Variants in LTBP1 observed in about 807,000 individuals in gnomAD.
The protein encoded by LTBP1 is latent transforming growth factor beta binding protein 1.
In LTBP1, 129 loss-of-function variants were observed where a neutral mutation model predicts 207.6. That is an observed-to-expected ratio of 0.62 (90% confidence interval 0.54 to 0.72). LTBP1 has a LOEUF of 0.72. Among genes scored for constraint, LTBP1 ranks in the 30% least tolerant of loss-of-function variants. The probability of loss-of-function intolerance (pLI) is 0.00; values close to 1 mark genes in which losing one functional copy is unlikely to be tolerated. For missense variants in LTBP1, 2,281 were observed against 2,217.2 expected (o/e 1.03, Z -0.58); for synonymous variants, 963 against 833.7 (o/e 1.16, Z -2.67).
rs142605270 is a variant in LTBP1 at position 33,230,670 on chromosome 2, T to C, written c.1876+8519T>C. Among the ~76,000 whole-genome samples the C allele has an allele frequency of 3.6e-3, 551 of 152,356 alleles. 2 individuals are homozygous for C. The highest frequency in any genetic ancestry group is 6.1e-3 in the Non-Finnish European group (413 of 68,036). ...TCAGTCCTTCCCTGAGTGGAAATAC[T>C]GAGTACCCTCTTTTGTCCATATTTT... On this transcript the variant is annotated intron_variant, in intron 9 of 33. Transcript: ENST00000404816.
intron 31 of LTBP1, among the ~76,000 whole-genome samples, chr2:33,379,199 T>C (rs1342678076): frequency 1.2e-5 from 1 of 86,906 alleles, no homozygotes; most frequent in African/African-American, 5.1e-5. Flanking sequence ...GCCATTGCTT[T>C]TTTTTTTTTT....
chr2:32,989,216 AT>A (rs751096103), intron 2 of LTBP1, among the ~76,000 whole-genome samples: 50 of 152,336 alleles, frequency 3.3e-4, no homozygotes, highest in Non-Finnish European at 6.3e-4. Context: ...CATGTGTGAG[AT>A]TTTAACTTAT....
intron 9 of LTBP1, among the ~76,000 whole-genome samples, chr2:33,233,228 T>C (rs142652981): frequency 1.3e-5 from 2 of 152,272 alleles, no homozygotes; most frequent in East Asian, 3.9e-4. Context: ...TTTTATTCTC[T>C]TTTTCGCTGC....
intron 15 of LTBP1, among the ~76,000 whole-genome samples, chr2:33,264,774 G>T (rs904151726): frequency 2.0e-5 from 3 of 152,182 alleles, no homozygotes; most frequent in Non-Finnish European, 4.4e-5. Flanking sequence ...GGGAGTATGT[G>T]TTGGGGTTCT....
chr2:33,278,420 G>T (rs1040198479), intron 18 of LTBP1, among the ~76,000 whole-genome samples: 7 of 152,106 alleles, frequency 4.6e-5, no homozygotes, highest in African/African-American at 7.2e-5. Context: ...AGAACCAAAC[G>T]TCCCCGGGCT....
rs183957987 is a variant in LTBP1 at position 33,106,496 on chromosome 2, A to G, written c.864-4086A>G. 3.9e-5 allele frequency among the ~76,000 whole-genome samples: 6 copies of G among 152,232 alleles called. 1 individual carries two copies. The highest frequency in any genetic ancestry group is 5.9e-5 in the Non-Finnish European group (4 of 68,030). On this transcript the variant is annotated intron_variant, in intron 3 of 33. Coordinates refer to ENST00000404816, the MANE Select transcript of LTBP1 (RefSeq NM_206943.4). ...CACTGCTTTATTTATGGGCTACAGA[A>G]TGGATGTTGTGTTAGCAGGCACCAA...
chr2:33,238,658 T>C (rs2092168806), intron 9 of LTBP1, among the ~76,000 whole-genome samples: 1 of 152,178 alleles, frequency 6.6e-6, no homozygotes, highest in Non-Finnish European at 1.5e-5. Flanking sequence ...AAAAGCTAGA[T>C]CTTAGTGGAA....
At chr2:33,076,903 G>A (rs2078114265) in intron 3 of LTBP1, among the ~76,000 whole-genome samples, 1 of 152,118 alleles carries the variant, frequency 6.6e-6, no homozygotes, top group South Asian at 2.1e-4. Context: ...CTTTGGCCAA[G>A]AGGGCATCTG....
intron 7 of LTBP1, among the ~76,000 whole-genome samples, chr2:33,208,097 C>T (rs954689714): frequency 6.6e-6 from 1 of 152,210 alleles, no homozygotes; most frequent in African/African-American, 2.4e-5. Context: ...ATTCCTCATC[C>T]AGATTCATAG....
chr2:33,057,759 A>G (rs986242481), intron 3 of LTBP1, among the ~76,000 whole-genome samples: 5 of 152,210 alleles, frequency 3.3e-5, no homozygotes, highest in Non-Finnish European at 7.3e-5. Flanking sequence ...CGGGAACTCT[A>G]GCTGGCCTGC....
intron 20 of LTBP1, among the ~76,000 whole-genome samples, chr2:33,293,519 G>A (rs571767275): frequency 5.9e-5 from 9 of 152,106 alleles, no homozygotes; most frequent in Admixed American, 3.3e-4. Context: ...GCCACAGATC[G>A]GTTCATCTAA....
intron 5 of LTBP1, among the ~76,000 whole-genome samples, chr2:33,139,442 G>C (rs959548333): frequency 6.6e-6 from 1 of 152,194 alleles, no homozygotes; most frequent in African/African-American, 2.4e-5. Context: ...AAGAGATGAA[G>C]GGTATATGTA....
At chr2:32,984,934 AAAAACAAAAC>A (rs59089750) in intron 2 of LTBP1, among the ~76,000 whole-genome samples, 17 of 150,616 alleles carry the variant, frequency 1.1e-4, no homozygotes, top group African/African-American at 2.2e-4. Flanking sequence ...TCTGTTTCAA[AAAAACAAAAC>A]AAAACAAAAC....
At chr2:33,359,584 G>T (rs1007688372) in intron 26 of LTBP1, among the ~76,000 whole-genome samples, 2 of 152,152 alleles carry the variant, frequency 1.3e-5, no homozygotes, top group Admixed American at 1.3e-4. Context: ...GGAAATAGTA[G>T]AGTTCTAGTG....
chr2:33,275,633 G>A (rs912267637), intron 17 of LTBP1, among the ~76,000 whole-genome samples, 168 bp from the exon 18 acceptor site: 25 of 150,990 alleles, frequency 1.7e-4, no homozygotes, highest in Admixed American at 7.9e-4. Context: ...GCAGTGAGCC[G>A]AGATCACACC....
In LTBP1 at chr2:33,215,159, A is replaced by ATAATGG. The variant is rs1192628755; in HGVS notation, c.1702-2387_1702-2382dup. On this transcript the variant is annotated intron_variant, in intron 7 of 33. Transcript: ENST00000404816. Reference sequence around the variant, plus strand: ...TTTATCTATAATAATAATAATAATGATAATGGTAATGATAGCTGACACATG... The same window carrying ATAATGG: ...TTTATCTATAATAATAATAATAATGATAATGGTAATGGTAATGATAGCTGACACATG... Among the ~76,000 whole-genome samples the ATAATGG allele has an allele frequency of 3.9e-5, 6 of 152,150 alleles. No homozygotes were observed. In the East Asian group the frequency reaches 1.2e-3, roughly 29 times the overall value.
chr2:32,960,633 T>C (rs1176852072), intron 2 of LTBP1, among the ~76,000 whole-genome samples: 1 of 152,228 alleles, frequency 6.6e-6, no homozygotes, highest in East Asian at 1.9e-4. Context: ...CCAAGTACCA[T>C]GTACTTGAAA....
At chr2:33,000,461 G>C (rs1233712246) in intron 2 of LTBP1, among the ~76,000 whole-genome samples, 1 of 134,982 alleles carries the variant, frequency 7.4e-6, no homozygotes, top group African/African-American at 2.6e-5. Flanking sequence ...AGGTTGCCAG[G>C]TGGAGGTGGA....
At chr2:32,961,560 C>A (rs936964328) in intron 2 of LTBP1, among the ~76,000 whole-genome samples, 6 of 150,530 alleles carry the variant, frequency 4.0e-5, no homozygotes, top group South Asian at 4.2e-4. Flanking sequence ...TCATCCCCCC[C>A]ACCTCAACAT....
Sources: allele counts gnomAD v4.1 joint callset (sites outside exome capture counted in the v4.1 genomes callset), GRCh38; gene constraint gnomAD v4.1.1; transcripts MANE v1.5; gene names NCBI Gene and HGNC (gene_info 2026-07-23, HGNC 2026-07-21).